The following JAM2 variants were observed in gnomAD, a reference collection of about 807,000 sequenced individuals.
The protein encoded by JAM2 is junctional adhesion molecule 2.
Under a neutral mutation model 42.0 loss-of-function variants are expected in JAM2, and 17 were observed. That is an observed-to-expected ratio of 0.40 (90% CI 0.28 to 0.61). JAM2 has a LOEUF of 0.61. JAM2 is among the 20% of genes least tolerant of loss of function. The probability of loss-of-function intolerance (pLI) is 0.37; values close to 1 mark genes in which losing one functional copy is unlikely to be tolerated. For missense variants in JAM2, 319 were observed against 358.3 expected (o/e 0.89, Z 0.89); for synonymous variants, 118 against 128.6 (o/e 0.92, Z 0.56).
At chr21:25,695,500 C>T (rs1319575656) in intron 4 of JAM2, among the ~76,000 whole-genome samples, 1 of 152,246 alleles carries the variant, frequency 6.6e-6, no homozygotes, top group Non-Finnish European at 1.5e-5. Flanking sequence ...GTACACCTCC[C>T]AGACGGGGCG....
intron 1 of JAM2, among the ~76,000 whole-genome samples, chr21:25,678,018 G>C (rs951343062): frequency 1.3e-5 from 2 of 152,148 alleles, no homozygotes; most frequent in African/African-American, 4.8e-5. Context: ...TGGATCACTT[G>C]AGGTCAGGAG....
rs144446972 is a variant in JAM2 at position 25,646,507 on chromosome 21, T to A, written c.67+6619T>A. On this transcript the variant is annotated intron_variant, in intron 1 of 9. Coordinates refer to ENST00000480456, the MANE Select transcript of JAM2 (RefSeq NM_021219.4). The stretch of plus-strand genomic sequence containing the variant: ...AGAATGGTCATTTTACTTGATTTGA[T>A]ATTCAGAAGAGTGGCCTTCTAAGTT... Among the ~76,000 whole-genome samples the A allele has an allele frequency of 2.9e-3, 435 of 152,232 alleles. 3 individuals carry two copies. The highest frequency in any genetic ancestry group is 4.4e-3 in the Non-Finnish European group (299 of 68,014).
chr21:25,654,928 G>A (rs1323888527), intron 1 of JAM2, among the ~76,000 whole-genome samples: 2 of 152,098 alleles, frequency 1.3e-5, no homozygotes, highest in Non-Finnish European at 2.9e-5. Context: ...AGAGCAGGTC[G>A]GTGCTAGATG....
At position 25,677,466 on chromosome 21, in the gene JAM2, G is replaced by A. The variant is rs58756122; in HGVS notation, c.68-6417G>A. Among the ~76,000 whole-genome samples the A allele has an allele frequency of 1.3e-3, 191 of 152,238 alleles. 3 individuals are homozygous for A. The East Asian group carries it at 0.034, about 27-fold the overall frequency. On this transcript the variant is annotated intron_variant, in intron 1 of 9. Coordinates refer to ENST00000480456, the MANE Select transcript of JAM2 (RefSeq NM_021219.4). ...AGTAATTTTTGACAATTTAAGAAAT[G>A]TTTCTTAAAGGAAATTTTAACAAGT...
rs181124881 is a variant in JAM2 at position 25,684,154 on chromosome 21, G to A, written c.133+206G>A. Among the ~76,000 whole-genome samples, 337 of 152,260 alleles carry A rather than the reference G, an allele frequency of 2.2e-3. 1 individual carries two copies. The highest frequency in any genetic ancestry group is 7.7e-3 in the African/African-American group (321 of 41,550). On this transcript the variant is annotated intron_variant, in intron 2 of 9. Transcript: ENST00000480456. ...AATTTTCGATATTCAATAAAAGACC[G>A]GATGTGCAAAGAAGGTCTCCTATAA...
intron 5 of JAM2, among the ~76,000 whole-genome samples, chr21:25,700,383 CAG>C (rs2034140455): frequency 6.6e-6 from 1 of 151,956 alleles, no homozygotes; most frequent in Non-Finnish European, 1.5e-5. Context: ...GTTTTTGAGA[CAG>C]AGTCTTGCTC....
At chr21:25,661,635 T>C (rs2033091754) in intron 1 of JAM2, among the ~76,000 whole-genome samples, 1 of 151,890 alleles carries the variant, frequency 6.6e-6, no homozygotes, top group Non-Finnish European at 1.5e-5. Context: ...GTATATAAAT[T>C]ATATGTTTGT....
intron 8 of JAM2, among the ~76,000 whole-genome samples, chr21:25,710,798 G>A (rs1308542438): frequency 6.6e-6 from 1 of 152,188 alleles, no homozygotes; most frequent in African/African-American, 2.4e-5. Context: ...TCACTGGAGG[G>A]CTTTAAGCAG....
At chr21:25,688,263 T>TGTGTGTGTGTGTGTGTGA (rs1455643385) in intron 2 of JAM2, among the ~76,000 whole-genome samples, 95 of 152,024 alleles carry the variant, frequency 6.2e-4, no homozygotes, top group Non-Finnish European at 4.4e-5. Context: ...TGTGTGTGTG[T>TGTGTGTGTGTGTGTGTGA]GTGTGTGTAT....
rs150319536 is a variant in JAM2, at chr21:25,708,121, T to A, written c.806-1313T>A. Among the ~76,000 whole-genome samples the A allele has an allele frequency of 2.6e-3, 403 of 152,264 alleles. 3 individuals carry two copies. The highest frequency in any genetic ancestry group is 9.0e-3 in the African/African-American group (372 of 41,544). On this transcript the variant is annotated intron_variant, in intron 7 of 9. Coordinates refer to ENST00000480456, the MANE Select transcript of JAM2 (RefSeq NM_021219.4). ...TCCCAACCTCCCAAAATGCTAGGAT[T>A]ACAGGTGTGAGCCACCACTCTTGGC...
chr21:25,681,598 A>G (rs1351629298), intron 1 of JAM2, among the ~76,000 whole-genome samples: 2 of 152,234 alleles, frequency 1.3e-5, no homozygotes, highest in Non-Finnish European at 2.9e-5. Flanking sequence ...CAGCCAAACC[A>G]TATCAACCAA....
chr21:25,663,565 C>T (rs2033144415), intron 1 of JAM2, among the ~76,000 whole-genome samples: 1 of 152,030 alleles, frequency 6.6e-6, no homozygotes. Context: ...CATAGATTAA[C>T]AATTTAAGGA....
chr21:25,710,759 T>C (rs751278806), intron 8 of JAM2, among the ~76,000 whole-genome samples: 6 of 152,046 alleles, frequency 3.9e-5, no homozygotes, highest in Non-Finnish European at 5.9e-5. Flanking sequence ...TCGTGAGGAG[T>C]CTGGCTTTGG....
chr21:25,657,916 G>A (rs908086514), intron 1 of JAM2, among the ~76,000 whole-genome samples: 9 of 152,068 alleles, frequency 5.9e-5, no homozygotes, highest in Non-Finnish European at 8.8e-5. Context: ...CAAGAAAATA[G>A]GCTCCAAAAA....
At chr21:25,660,946 C>A (rs1351210633) in intron 1 of JAM2, among the ~76,000 whole-genome samples, 1 of 150,386 alleles carries the variant, frequency 6.6e-6, no homozygotes, top group East Asian at 2.0e-4. Flanking sequence ...AGAAACTTGC[C>A]ACCACGCCCA....
chr21:25,708,029 G>A (rs1232609186), intron 7 of JAM2, among the ~76,000 whole-genome samples: 2 of 151,596 alleles, frequency 1.3e-5, no homozygotes, highest in African/African-American at 4.9e-5. Flanking sequence ...TTTATTTTTT[G>A]TGGAGACAGG....
intron 9 of JAM2, 129 bp from the exon 10 acceptor site, chr21:25,714,511 A>C: frequency 1.4e-6 from 1 of 702,256 alleles, no homozygotes. Context: ...AAATAAAATA[A>C]ATAAATAAAT....
At chr21:25,709,814 A>G in intron 8 of JAM2, 1 of 182,464 alleles carries the variant, frequency 5.5e-6, no homozygotes, top group Middle Eastern at 2.5e-3. Flanking sequence ...AAGGTTGGGG[A>G]GGTGCCACAT....
chr21:25,674,057 C>T lies in JAM2; in HGVS notation c.68-9826C>T, dbSNP rs1056976392. ...CACCATAATTGTGAGGCCTCCCCAG[C>T]CACATGGAACTGTGAGTCCATTAAA... On this transcript the variant is annotated intron_variant, in intron 1 of 9. Transcript: ENST00000480456. 3.9e-5 allele frequency among the ~76,000 whole-genome samples: 6 copies of T among 152,334 alleles called. No homozygotes were observed. The East Asian group carries it at 1.2e-3, about 29-fold the overall frequency.
Sources: gnomAD v4.1 joint callset for allele counts (sites outside exome capture counted in the v4.1 genomes callset) on GRCh38, gnomAD v4.1.1 for gene constraint, MANE v1.5 for transcripts, NCBI Gene and HGNC (gene_info 2026-07-23, HGNC 2026-07-21) for gene names.